The following MYLK4 variants were observed in gnomAD, a reference collection of about 807,000 sequenced individuals.
The protein encoded by MYLK4 is myosin light chain kinase family member 4.
MYLK4 carries 46 observed loss-of-function variants against 48.1 expected under a neutral mutation model. That is an observed-to-expected ratio of 0.96 (90% CI 0.75 to 1.22). MYLK4 has a LOEUF of 1.22. MYLK4 is among the 50% of genes most tolerant of loss of function. The probability of loss-of-function intolerance (pLI) is 0.00; values close to 1 mark genes in which losing one functional copy is unlikely to be tolerated. For synonymous variants in MYLK4, 170 were observed against 180.8 expected, an observed-to-expected ratio of 0.94 and a Z score of 0.48; for missense variants, 451 against 486.1, an observed-to-expected ratio of 0.93 and a Z score of 0.68.
chr6:2,722,474 T>G (rs1039068802), intron 2 of MYLK4, among the ~76,000 whole-genome samples: 4 of 151,494 alleles, frequency 2.6e-5, no homozygotes, highest in Non-Finnish European at 5.9e-5. Flanking sequence ...AATATAACTA[T>G]GTTGAGAGAA....
chr6:2,700,457 C>T (rs1412469001), intron 2 of MYLK4, among the ~76,000 whole-genome samples: 2 of 152,168 alleles, frequency 1.3e-5, no homozygotes, highest in Non-Finnish European at 2.9e-5. Context: ...TGTTCTGAGG[C>T]CTTCTTACCA....
the MYLK4 span, chr6:2,768,904 T>C: frequency 1.9e-6 from 3 of 1,586,632 alleles, no homozygotes; most frequent in Non-Finnish European, 2.6e-6. Context: ...TCCTTCTACC[T>C]TTTGGTCGTT....
intron 6 of MYLK4, among the ~76,000 whole-genome samples, chr6:2,683,411 G>GTGTGTGTGTT (rs1554126567): frequency 5.3e-5 from 7 of 132,556 alleles, no homozygotes; most frequent in African/African-American, 1.8e-4. Flanking sequence ...GTGTGTGTGT[G>GTGTGTGTGTT]TGTGTGTGTG....
intron 2 of MYLK4, among the ~76,000 whole-genome samples, chr6:2,735,477 A>G (rs1763638379): frequency 6.6e-6 from 1 of 152,264 alleles, no homozygotes; most frequent in Non-Finnish European, 1.5e-5. Flanking sequence ...TGAAATAAGT[A>G]CATTAATCAT....
At chr6:2,671,492 AC>A in intron 11 of MYLK4, 144 bp from the exon 12 acceptor site, 1 of 709,190 alleles carries the variant, frequency 1.4e-6, no homozygotes. Flanking sequence ...ATTCCCGACA[AC>A]CCCCTGGCAG....
intron 2 of MYLK4, among the ~76,000 whole-genome samples, chr6:2,738,549 C>T (rs1464210735): frequency 6.6e-6 from 1 of 152,214 alleles, no homozygotes; most frequent in African/African-American, 2.4e-5. Flanking sequence ...CACTGCATTG[C>T]CGCAGTAACT....
At chr6:2,669,521 C>T (rs1041700043) in intron 12 of MYLK4, among the ~76,000 whole-genome samples, 6 of 152,318 alleles carry the variant, frequency 3.9e-5, no homozygotes, top group Admixed American at 1.3e-4. Context: ...AGAGTGGCTC[C>T]GGTCCTTATG....
At chr6:2,669,161 G>A (rs940330240) in intron 12 of MYLK4, among the ~76,000 whole-genome samples, 1 of 152,204 alleles carries the variant, frequency 6.6e-6, no homozygotes, top group Non-Finnish European at 1.5e-5. Flanking sequence ...CCTGTAGTGT[G>A]ACTCAGGTGA....
intron 2 of MYLK4, among the ~76,000 whole-genome samples, chr6:2,707,586 A>G (rs1266741826): frequency 6.6e-6 from 1 of 152,226 alleles, no homozygotes; most frequent in Non-Finnish European, 1.5e-5. Flanking sequence ...GTTATTTAAA[A>G]TAAGTAAGTT....
intron 12 of MYLK4, among the ~76,000 whole-genome samples, chr6:2,669,070 A>AT (rs981871866): frequency 7.3e-6 from 1 of 137,742 alleles, no homozygotes; most frequent in Non-Finnish European, 1.6e-5. Flanking sequence ...CCTGTCTCTA[A>AT]TTAAAAAAAA....
intron 2 of MYLK4, among the ~76,000 whole-genome samples, chr6:2,740,565 C>A (rs1192222714): frequency 6.6e-6 from 1 of 152,164 alleles, no homozygotes; most frequent in Non-Finnish European, 1.5e-5. Context: ...GGCAACTCAA[C>A]CTTGTTGGGG....
rs902455056 is a variant in MYLK4 at position 2,664,942 on chromosome 6, A to G, written c.*2983T>C. On this transcript the variant is annotated 3_prime_UTR_variant, in exon 13 of 13. Transcript: ENST00000274643. ...GGTAAGTGTTGGTGTCTTCCAAATT[A>G]CCAATGAGGCATGCCTTCTCCTTAA... 2.6e-5 allele frequency: 4 copies of G among 152,178 alleles called. No individual in the cohort carries two copies. Among genetic ancestry groups the G allele is most frequent in the Admixed American group, 6.5e-5 (1 of 15,278 alleles). The allele number at this position is 152,178 out of a possible 1,614,324, so 9.4% of individuals were successfully genotyped here. A position where few individuals can be genotyped will look rare whatever the true frequency, so the allele number is the denominator to read the frequency against.
At chr6:2,769,930 T>G in the MYLK4 span, among the ~76,000 whole-genome samples, 2 of 152,222 alleles carry the variant, frequency 1.3e-5, no homozygotes, top group African/African-American at 4.8e-5. Flanking sequence ...AAGATGTGTT[T>G]CAGACTTAAA....
At chr6:2,770,306 C>T in the MYLK4 span, 3 of 1,614,164 alleles carry the variant, frequency 1.9e-6, no homozygotes, top group Non-Finnish European at 2.5e-6. Context: ...AATCCACGTC[C>T]TAGACTCTAG....
intron 3 of MYLK4, 138 bp downstream of exon 3, chr6:2,692,646 G>A (rs1313485461): frequency 4.1e-5 from 22 of 540,148 alleles, no homozygotes; most frequent in African/African-American, 1.6e-4. Context: ...AAAAAAAGGG[G>A]GGGGGGGGCA....
the MYLK4 span, chr6:2,765,394 CA>C: frequency 2.6e-6 from 1 of 391,822 alleles, no homozygotes; most frequent in Non-Finnish European, 4.1e-6. Flanking sequence ...CCACGAACTA[CA>C]CTTCCCGACA....
upstream of MYLK4, among the ~76,000 whole-genome samples, chr6:2,753,592 T>C (rs1041751599): frequency 7.2e-5 from 11 of 152,014 alleles, no homozygotes; most frequent in Non-Finnish European, 1.5e-4. Flanking sequence ...ATTATGAAAA[T>C]GAAAAGACCA....
chr6:2,726,849 G>A (rs1763296856), intron 2 of MYLK4, among the ~76,000 whole-genome samples: 1 of 152,052 alleles, frequency 6.6e-6, no homozygotes. Context: ...CTGACCTCAG[G>A]TGATCCACCA....
rs553480888 is a variant in MYLK4, at chr6:2,721,022, G to A, written c.159+28114C>T. On this transcript the variant is annotated intron_variant, in intron 2 of 12. Transcript: ENST00000274643. ...CTAAAAATACAAAAATTAGCCGGGC[G>A]TGGTGGCACCTGCCTGTAGTCCCAG... Among the ~76,000 whole-genome samples, 17 of 152,120 alleles carry A rather than the reference G, an allele frequency of 1.1e-4. No individual in the cohort carries two copies. The South Asian group carries it at 1.2e-3, about 11-fold the overall frequency.
Sources: allele counts gnomAD v4.1 joint callset (sites outside exome capture counted in the v4.1 genomes callset), GRCh38; gene constraint gnomAD v4.1.1; transcripts MANE v1.5; gene names NCBI Gene and HGNC (gene_info 2026-07-23, HGNC 2026-07-21).